Variants in CNTNAP2 observed in about 807,000 individuals in gnomAD.
The protein encoded by CNTNAP2 is contactin associated protein 2.
A neutral mutation model predicts 155.2 loss-of-function variants in CNTNAP2; 98 were observed. That is an observed-to-expected ratio of 0.63 (90% CI 0.54 to 0.75). The LOEUF (loss-of-function observed/expected upper bound fraction) is 0.75. Ranked by LOEUF, CNTNAP2 falls within the 30% of genes least tolerant of loss-of-function variation. The probability of loss-of-function intolerance (pLI) is 0.00; values close to 1 mark genes in which losing one functional copy is unlikely to be tolerated. For missense variants in CNTNAP2, 1,727 were observed against 1,688.1 expected (o/e 1.02, Z -0.40); for synonymous variants, 651 against 631.2 (o/e 1.03, Z -0.47).
chr7:146,662,116 G>A (rs1177435748), intron 1 of CNTNAP2, among the ~76,000 whole-genome samples: 1 of 151,714 alleles, frequency 6.6e-6, no homozygotes, highest in Non-Finnish European at 1.5e-5. Context: ...TTTCTTTGGG[G>A]AAGACAGTTC....
At chr7:147,206,191 C>G (rs551012692) in intron 8 of CNTNAP2, among the ~76,000 whole-genome samples, 1 of 151,940 alleles carries the variant, frequency 6.6e-6, no homozygotes, top group African/African-American at 2.4e-5. Context: ...TTAAACACTT[C>G]CATTCACTGA....
chr7:146,577,539 T>G (rs1306185324), intron 1 of CNTNAP2, among the ~76,000 whole-genome samples: 1 of 152,110 alleles, frequency 6.6e-6, no homozygotes, highest in Non-Finnish European at 1.5e-5. Flanking sequence ...TTTTTTTTGT[T>G]TCGTGATTAA....
intron 1 of CNTNAP2, among the ~76,000 whole-genome samples, chr7:146,649,914 A>G (rs558036111): frequency 6.6e-6 from 1 of 152,184 alleles, no homozygotes; most frequent in Non-Finnish European, 1.5e-5. Context: ...ATGAAAAAAA[A>G]GTCACCATCA....
intron 1 of CNTNAP2, among the ~76,000 whole-genome samples, chr7:146,599,950 C>A (rs981633312): frequency 6.6e-6 from 1 of 151,932 alleles, no homozygotes; most frequent in Non-Finnish European, 1.5e-5. Flanking sequence ...TTATATTTCC[C>A]GTTAATTTCC....
chr7:146,191,656 C>T (rs1298245491), intron 1 of CNTNAP2, among the ~76,000 whole-genome samples: 2 of 152,006 alleles, frequency 1.3e-5, no homozygotes, highest in African/African-American at 2.4e-5. Flanking sequence ...AGAGACCTAC[C>T]CCTGGGAATG....
At chr7:146,146,989 T>G (rs993193057) in intron 1 of CNTNAP2, among the ~76,000 whole-genome samples, 4 of 151,758 alleles carry the variant, frequency 2.6e-5, no homozygotes. Context: ...GTACTTTAGT[T>G]TTTTTCCTAA....
intron 14 of CNTNAP2, among the ~76,000 whole-genome samples, chr7:147,929,739 A>G (rs1228396947): frequency 6.6e-6 from 1 of 152,214 alleles, no homozygotes; most frequent in Non-Finnish European, 1.5e-5. Flanking sequence ...GCCCATTGTA[A>G]CCACAAAGAA....
At chr7:147,582,306 C>T (rs1340317992) in intron 12 of CNTNAP2, among the ~76,000 whole-genome samples, 3 of 152,128 alleles carry the variant, frequency 2.0e-5, no homozygotes, top group Non-Finnish European at 4.4e-5. Context: ...AATGTAATCT[C>T]TGTTTCAACA....
chr7:146,889,259 T>G (rs1475540362), intron 3 of CNTNAP2, among the ~76,000 whole-genome samples: 1 of 152,198 alleles, frequency 6.6e-6, no homozygotes. Flanking sequence ...TTATATATAT[T>G]TAGATATTTC....
At chr7:146,799,967 A>G (rs1214111990) in intron 2 of CNTNAP2, among the ~76,000 whole-genome samples, 1 of 122,324 alleles carries the variant, frequency 8.2e-6, no homozygotes, top group African/African-American at 4.9e-5. Context: ...CTGTTAAATA[A>G]AAAAAGTATG....
chr7:146,169,677 T>TA (rs71175636), intron 1 of CNTNAP2, among the ~76,000 whole-genome samples: 8 of 79,280 alleles, frequency 1.0e-4, no homozygotes, highest in Non-Finnish European at 1.9e-4. Flanking sequence ...TGTGATATGA[T>TA]TTTTTTTTTT....
At chr7:146,747,547 C>A (rs948824115) in intron 1 of CNTNAP2, among the ~76,000 whole-genome samples, 2 of 152,132 alleles carry the variant, frequency 1.3e-5, no homozygotes, top group Non-Finnish European at 1.5e-5. Flanking sequence ...CATCATCATA[C>A]AATTTTTCTA....
At chr7:147,574,636 A>AT (rs61006196) in intron 12 of CNTNAP2, among the ~76,000 whole-genome samples, 104,816 of 151,778 alleles carry the variant, frequency 0.69, 36,761 homozygotes, top group African/African-American at 0.81. Flanking sequence ...ACGTTTTAAA[A>AT]TTCTTTCCTG....
At chr7:147,717,395 C>A (rs1247340318) in intron 13 of CNTNAP2, among the ~76,000 whole-genome samples, 1 of 152,058 alleles carries the variant, frequency 6.6e-6, no homozygotes, top group Non-Finnish European at 1.5e-5. Context: ...CCAGCAGTAT[C>A]CTCACCTAAT....
At chr7:146,985,535 T>C (rs1305225769) in intron 3 of CNTNAP2, among the ~76,000 whole-genome samples, 1 of 152,132 alleles carries the variant, frequency 6.6e-6, no homozygotes, top group East Asian at 1.9e-4. Flanking sequence ...TTAGCCAGGA[T>C]GGTCTCGATC....
At chr7:147,493,066 C>T (rs1445026680) in intron 11 of CNTNAP2, among the ~76,000 whole-genome samples, 2 of 152,086 alleles carry the variant, frequency 1.3e-5, no homozygotes, top group Non-Finnish European at 2.9e-5. Context: ...CACTAAGTTT[C>T]GAAAAACAGC....
intron 11 of CNTNAP2, among the ~76,000 whole-genome samples, chr7:147,522,211 A>G (rs1799240469): frequency 6.6e-6 from 1 of 152,050 alleles, no homozygotes; most frequent in South Asian, 2.1e-4. Context: ...ACCTCTTACC[A>G]CCAGCTTAGG....
chr7:146,664,547 G>T (rs1800154455), intron 1 of CNTNAP2, among the ~76,000 whole-genome samples: 1 of 152,102 alleles, frequency 6.6e-6, no homozygotes, highest in East Asian at 1.9e-4. Context: ...TTTATATATT[G>T]CTGGATGTGA....
chr7:148,001,104 T>G (rs372554130), intron 15 of CNTNAP2, among the ~76,000 whole-genome samples: 13 of 152,324 alleles, frequency 8.5e-5, no homozygotes, highest in East Asian at 1.9e-4. Flanking sequence ...ATCCTTAGCT[T>G]AATTACATCT....
Sources: gnomAD v4.1 joint callset for allele counts (sites outside exome capture counted in the v4.1 genomes callset) on GRCh38, gnomAD v4.1.1 for gene constraint, MANE v1.5 for transcripts, NCBI Gene and HGNC (gene_info 2026-07-23, HGNC 2026-07-21) for gene names.